Variants in LRRC61 observed in about 807,000 individuals in gnomAD.
LRRC61 encodes the protein leucine rich repeat containing 61.
Under a neutral mutation model 15.1 loss-of-function variants are expected in LRRC61, and 9 were observed. The ratio of observed to expected loss-of-function variants is 0.60; its 90% CI spans 0.36 to 1.04. The LOEUF (loss-of-function observed/expected upper bound fraction) is 1.04, where lower values mean the gene tolerates loss of function less well. Ranked by LOEUF, LRRC61 falls within the 50% of genes least tolerant of loss-of-function variation. LRRC61 has a pLI of 0.01. For missense variants in LRRC61, 344 were observed against 335.6 expected (o/e 1.03, Z -0.20); for synonymous variants, 173 against 158.6 (o/e 1.09, Z -0.68).
chr7:150,332,634 C>T, intron 2 of LRRC61: 1 of 167,222 alleles, frequency 6.0e-6, no homozygotes. Flanking sequence ...ACATTGAGAT[C>T]ATACCCTAGG....
chr7:150,329,767 T>C (rs1254256206), intron 2 of LRRC61: 1 of 152,462 alleles, frequency 6.6e-6, no homozygotes, highest in African/African-American at 2.4e-5. Flanking sequence ...ATTCTAGGGG[T>C]AGTGCCTCAG....
chr7:150,315,617 A>G, the LRRC61 span, among the ~76,000 whole-genome samples: 5 of 152,196 alleles, frequency 3.3e-5, no homozygotes, highest in African/African-American at 1.2e-4. Flanking sequence ...ATAAAATTCA[A>G]AAGGTAAAAC....
upstream of LRRC61, among the ~76,000 whole-genome samples, chr7:150,320,422 A>G (rs1797382868): frequency 1.3e-5 from 2 of 152,218 alleles, no homozygotes; most frequent in African/African-American, 4.8e-5. Flanking sequence ...GAAAGAATTT[A>G]TGAGTGGACT....
the LRRC61 span, among the ~76,000 whole-genome samples, chr7:150,317,913 G>A: frequency 6.6e-6 from 1 of 151,890 alleles, no homozygotes; most frequent in African/African-American, 2.4e-5. Flanking sequence ...CTTGCAAGGA[G>A]GAGGAAAGTA....
chr7:150,323,933 G>A (rs1046807225), intron 1 of LRRC61, among the ~76,000 whole-genome samples: 5 of 152,320 alleles, frequency 3.3e-5, no homozygotes, highest in African/African-American at 1.2e-4. Context: ...AAGTAGCAGA[G>A]TGCTGCCGTG....
rs1798169300 is a variant in LRRC61, at chr7:150,333,194, T to C, written c.-144-3524T>C. Reference sequence around the variant, plus strand: ...AGAACGTGAGAAGATTGGGTGAGGATGAAAGGAAGAGGGTGAGAGAGCTTG... The same window carrying C: ...AGAACGTGAGAAGATTGGGTGAGGACGAAAGGAAGAGGGTGAGAGAGCTTG... On this transcript the variant is annotated intron_variant, in intron 2 of 2. Coordinates refer to ENST00000359623, the MANE Select transcript of LRRC61 (RefSeq NM_001142928.2). The surrounding 1 kb of genome is among the most constrained non-coding windows in gnomAD (Gnocchi z 4.3). 6.6e-6 allele frequency among the ~76,000 whole-genome samples: 1 copy of C among 152,078 alleles called. No individual in the cohort carries two copies. The highest frequency in any genetic ancestry group is 2.1e-4 in the South Asian group (1 of 4,824).
the LRRC61 span, among the ~76,000 whole-genome samples, chr7:150,311,738 G>A: frequency 2.6e-5 from 4 of 152,234 alleles, no homozygotes; most frequent in East Asian, 7.7e-4. Context: ...GCCAAATCTC[G>A]CCAGCTAAAG....
In LRRC61 at chr7:150,333,925, G is replaced by A. The variant is rs1798196425; in HGVS notation, c.-144-2793G>A. 4 of 985,184 alleles carry A rather than the reference G, an allele frequency of 4.1e-6. No individual in the cohort carries two copies. The South Asian group carries it at 1.4e-4, about 35-fold the overall frequency. 61.0% of individuals were successfully genotyped at this position (985,184 alleles called of 1,614,324 possible). A position where few individuals can be genotyped will look rare whatever the true frequency, so the allele number is the denominator to read the frequency against. Reference sequence around the variant, plus strand: ...AGAGGTCACTGACCCCCAAGAGAATGAGGGTTATGCACGACCCATCACCAA... The same window carrying A: ...AGAGGTCACTGACCCCCAAGAGAATAAGGGTTATGCACGACCCATCACCAA... On this transcript the variant is annotated intron_variant, in intron 2 of 2. Transcript: ENST00000359623. The surrounding 1 kb of genome is among the most constrained non-coding windows in gnomAD (Gnocchi z 4.3).
intron 2 of LRRC61, among the ~76,000 whole-genome samples, chr7:150,326,442 G>A (rs923645998): frequency 6.6e-6 from 1 of 152,076 alleles, no homozygotes; most frequent in Non-Finnish European, 1.5e-5. Context: ...CAATACTTTG[G>A]GAGGCTGAGG....
chr7:150,336,619 T>C, intron 2 of LRRC61, 99 bp from the exon 3 acceptor site: 1 of 560,404 alleles, frequency 1.8e-6, no homozygotes, highest in Non-Finnish European at 3.1e-6. Context: ...CTGGCTGAGA[T>C]TGTTGGTTTT....
chr7:150,329,256 CT>C (rs1373825092), intron 2 of LRRC61, among the ~76,000 whole-genome samples: 6 of 152,180 alleles, frequency 3.9e-5, no homozygotes, highest in African/African-American at 1.4e-4. Flanking sequence ...TGCTCAGTAC[CT>C]GAGAAGAGTA....
chr7:150,333,811 G>T lies in LRRC61; in HGVS notation c.-144-2907G>T, dbSNP rs755016755. ...GTGTCTGCGGGCAGCCTGATGGTTA[G>T]TTGGGTCTGCACAGGTGGGCGCCGG... On this transcript the variant is annotated intron_variant, in intron 2 of 2. Coordinates refer to ENST00000359623, the MANE Select transcript of LRRC61 (RefSeq NM_001142928.2). This position sits in a 1 kb window ranked among gnomAD's most constrained non-coding sequence, Gnocchi z 4.3. The T allele has an allele frequency of 9.0e-6, 7 of 778,884 alleles. No individual in the cohort carries two copies. Among genetic ancestry groups the T allele is most frequent in the African/African-American group, 1.9e-5 (1 of 52,902 alleles). The allele number at this position is 778,884 out of a possible 1,614,324, so 48.2% of individuals were successfully genotyped here. A position where few individuals can be genotyped will look rare whatever the true frequency, so the allele number is the denominator to read the frequency against.
rs780223349 is a variant in LRRC61, at chr7:150,330,911, G to T, written c.-145+4901G>T. 6.2e-7 allele frequency: 1 copy of T among 1,612,852 alleles called. No individual in the cohort carries two copies. Among genetic ancestry groups the T allele is most frequent in the Admixed American group, 1.7e-5 (1 of 59,984 alleles). ...TGCTGGCCCAGAGGGAGAAGGGCTT[G>T]CTGGAGAGCATGGGGCTGCTGGCCT... On this transcript the variant is annotated intron_variant, in intron 2 of 2. Transcript: ENST00000359623. The surrounding 1 kb of genome is among the most constrained non-coding windows in gnomAD (Gnocchi z 4.6).
rs779284257 is a variant in LRRC61, at chr7:150,337,351, C to T, written c.490C>T (p.Arg164Cys). Residue 164 changes from arginine (R) to cysteine (C), a missense_variant, in exon 3 of 3, where the codon CGT becomes TGT. By Grantham distance (180) the Arg-to-Cys change is radical. Coordinates refer to ENST00000359623, the MANE Select transcript of LRRC61 (RefSeq NM_001142928.2). ...TGGCCTGAAAGTCATCGACGGTGAG[C>T]GTGTGATTGGGCGTGGTAGTGAGTT... ...LPGLKVIDGE[R>C]VIGRGSEFYQ... 13 of 1,604,660 alleles carry T rather than the reference C, an allele frequency of 8.1e-6. No individual in the cohort carries two copies. Among genetic ancestry groups the T allele is most frequent in the East Asian group, 2.2e-5 (1 of 44,860 alleles).
chr7:150,325,813 G>T (rs1797948106), intron 1 of LRRC61, 28 bp from the exon 2 acceptor site: 1 of 152,560 alleles, frequency 6.6e-6, no homozygotes, highest in Admixed American at 6.5e-5. Flanking sequence ...ATTTATCAAT[G>T]ACTTTCTTTT....
chr7:150,321,147 T>TA (rs1797469206), upstream of LRRC61, among the ~76,000 whole-genome samples: 1 of 152,176 alleles, frequency 6.6e-6, no homozygotes, highest in South Asian at 2.1e-4. Flanking sequence ...AAAATCTCCC[T>TA]AACCTTTATG....
At chr7:150,311,225 A>G in the LRRC61 span, among the ~76,000 whole-genome samples, 5,286 of 152,190 alleles carry the variant, frequency 0.035, 304 homozygotes, top group African/African-American at 0.12. Flanking sequence ...TCCTTGACTC[A>G]TCTCAACCTT....
In LRRC61 at chr7:150,338,058, T is replaced by C; in HGVS notation, c.*417T>C. ...GTGGGACTCCCCTGCCTTGCAAATG[T>C]GCCTCTCCAGACTGCTCCTGCACTT... On this transcript the variant is annotated 3_prime_UTR_variant, in exon 3 of 3. Coordinates refer to ENST00000359623, the MANE Select transcript of LRRC61 (RefSeq NM_001142928.2). The C allele has an allele frequency of 2.3e-6, 1 of 426,486 alleles. No homozygotes were observed. The highest frequency in any genetic ancestry group is 4.4e-6 in the Non-Finnish European group (1 of 226,316). The allele number at this position is 426,486 out of a possible 1,614,324, so 26.4% of individuals were successfully genotyped here.
rs928594873 is a variant in LRRC61 at position 150,335,524 on chromosome 7, TAGTA to T, written c.-144-1192_-144-1189del. On this transcript the variant is annotated intron_variant, in intron 2 of 2. Transcript: ENST00000359623. This position sits in a 1 kb window ranked among gnomAD's most constrained non-coding sequence, Gnocchi z 4.3. ...CTCGCCAGCTCCCTGGTTGGGAACATAGTAAATATCTTTGTTGATGGTGTGGGAG... is the reference window on the plus strand; with the variant it reads ...CTCGCCAGCTCCCTGGTTGGGAACATAATATCTTTGTTGATGGTGTGGGAG... 6.6e-6 allele frequency among the ~76,000 whole-genome samples: 1 copy of T among 152,090 alleles called. No individual in the cohort carries two copies. Among genetic ancestry groups the T allele is most frequent in the Non-Finnish European group, 1.5e-5 (1 of 68,014 alleles).
Sources: allele counts gnomAD v4.1 joint callset (sites outside exome capture counted in the v4.1 genomes callset), GRCh38; gene constraint gnomAD v4.1.1; non-coding constraint Gnocchi (gnomAD v3.1); transcripts MANE v1.5; gene names NCBI Gene and HGNC (gene_info 2026-07-23, HGNC 2026-07-21).